The following GIGYF2 variants were observed in gnomAD, a reference collection of about 807,000 sequenced individuals.
The protein encoded by GIGYF2 is GRB10-interacting GYF protein 2.
A neutral mutation model predicts 208.1 loss-of-function variants in GIGYF2; 25 were observed. That is an observed-to-expected ratio of 0.12 (90% CI 0.09 to 0.17). GIGYF2 has a LOEUF of 0.17. GIGYF2 is among the 10% of genes least tolerant of loss of function. The probability of loss-of-function intolerance (pLI) is 1.00; values close to 1 mark genes in which losing one functional copy is unlikely to be tolerated. For synonymous variants in GIGYF2, 534 were observed against 543.8 expected, an observed-to-expected ratio of 0.98 and a Z score of 0.25; for missense variants, 1,302 against 1,579.4, an observed-to-expected ratio of 0.82 and a Z score of 2.98.
chr2:232,818,071 A>G (rs1448616586), intron 20 of GIGYF2, among the ~76,000 whole-genome samples: 2 of 152,150 alleles, frequency 1.3e-5, no homozygotes, highest in East Asian at 3.8e-4. Context: ...TCTTTTTGAT[A>G]ATGACACTTT....
intron 2 of GIGYF2, among the ~76,000 whole-genome samples, chr2:232,718,583 G>A (rs1696801325): frequency 6.6e-6 from 1 of 152,212 alleles, no homozygotes; most frequent in Non-Finnish European, 1.5e-5. Flanking sequence ...TTCCTTGGAT[G>A]TATGTGTAGC....
Position 232,845,551 on chromosome 2 carries a change from G to A in GIGYF2, c.3306-181G>A, listed in dbSNP as rs757763384. 7.6e-4 allele frequency among the ~76,000 whole-genome samples: 115 copies of A among 152,020 alleles called. 2 individuals carry two copies. The highest frequency in any genetic ancestry group is 2.6e-4 in the Non-Finnish European group (18 of 67,988). ...CCACAAATTAGGATATATTAACTGAGGCTAGATTTTAAGGGTATATCCAAT... is the reference window on the plus strand; with the variant it reads ...CCACAAATTAGGATATATTAACTGAAGCTAGATTTTAAGGGTATATCCAAT... On this transcript the variant is annotated intron_variant, in intron 25 of 28. Transcript: ENST00000373563.
chr2:232,729,447 G>A, intron 2 of GIGYF2: 2 of 693,976 alleles, frequency 2.9e-6, no homozygotes, highest in Non-Finnish European at 4.2e-6. Flanking sequence ...TAAATAACTT[G>A]GTTTATTATT....
intron 2 of GIGYF2, among the ~76,000 whole-genome samples, chr2:232,714,054 A>G (rs992567091): frequency 1.3e-5 from 2 of 148,810 alleles, no homozygotes; most frequent in African/African-American, 5.0e-5. Flanking sequence ...GGTTCATGCC[A>G]TTCTCCTGCC....
chr2:232,844,508 A>G lies in GIGYF2; in HGVS notation c.3239A>G (p.Asp1080Gly). The change falls in exon 25 of 29, where the codon GAT (aspartate) becomes GGT (glycine). Residue 1080 changes from aspartate (D) to glycine (G), a missense_variant. By Grantham distance (94) the Asp-to-Gly change is moderately conservative (BLOSUM62 -1). Coordinates refer to ENST00000373563, the MANE Select transcript of GIGYF2 (RefSeq NM_001103146.3). ...AAAAACTCCAACATGGGATTCTGGG[A>G]TGATGCAGTGAAAGAGGTGGGACCT... ...DTKNSNMGFWDDAVKEVGPRN... is the reference protein window; with the variant it reads ...DTKNSNMGFWGDAVKEVGPRN... 1 of 1,613,758 alleles carries G rather than the reference A, an allele frequency of 6.2e-7. No individual in the cohort carries two copies. The highest frequency in any genetic ancestry group is 8.5e-7 in the Non-Finnish European group (1 of 1,179,726).
At chr2:232,823,185 TAA>T (rs1349816426) in intron 21 of GIGYF2, among the ~76,000 whole-genome samples, 1 of 152,096 alleles carries the variant, frequency 6.6e-6, no homozygotes, top group East Asian at 1.9e-4. Flanking sequence ...GTTTGAAGGT[TAA>T]GTCAACTTTG....
intron 5 of GIGYF2, among the ~76,000 whole-genome samples, chr2:232,755,267 C>A (rs566062798): frequency 2.0e-5 from 3 of 152,250 alleles, no homozygotes; most frequent in Middle Eastern, 3.4e-3. Flanking sequence ...GCCTCCTGGG[C>A]TCAAGCAATT....
intron 2 of GIGYF2, among the ~76,000 whole-genome samples, chr2:232,720,706 T>G (rs1441994775): frequency 3.3e-5 from 5 of 152,106 alleles, no homozygotes; most frequent in African/African-American, 1.2e-4. Flanking sequence ...GCAGTTCTCC[T>G]GCCTCAGCCT....
rs149949461 is a variant in GIGYF2, at chr2:232,750,878, G to A, written c.267+1796G>A. The stretch of plus-strand genomic sequence containing the variant: ...AGGGTCTCACTCTGTCACCCAGGCT[G>A]TAGTACAGCGGCATGATCATAGCTC... On this transcript the variant is annotated intron_variant, in intron 5 of 28. Transcript: ENST00000373563. Among the ~76,000 whole-genome samples, 322 of 152,256 alleles carry A rather than the reference G, an allele frequency of 2.1e-3. 1 individual carries two copies. The highest frequency in any genetic ancestry group is 7.5e-3 in the African/African-American group (310 of 41,542).
chr2:232,789,450 A>G (rs1290696175), intron 9 of GIGYF2, among the ~76,000 whole-genome samples: 1 of 152,232 alleles, frequency 6.6e-6, no homozygotes, highest in East Asian at 1.9e-4. Flanking sequence ...CTCTTTTCAC[A>G]TAATGGCTCT....
At chr2:232,742,552 A>AAAATAAAT (rs369981563) in intron 3 of GIGYF2, among the ~76,000 whole-genome samples, 2 of 152,136 alleles carry the variant, frequency 1.3e-5, no homozygotes, top group African/African-American at 4.8e-5. Flanking sequence ...CTCTGTCTCA[A>AAAATAAAT]AAATAAATAA....
At chr2:232,745,464 T>G (rs1458037389) in intron 3 of GIGYF2, among the ~76,000 whole-genome samples, 2 of 152,156 alleles carry the variant, frequency 1.3e-5, no homozygotes, top group Admixed American at 1.3e-4. Flanking sequence ...ATGAGACAGT[T>G]TGAACACTGT....
chr2:232,858,759 C>T lies in GIGYF2; in HGVS notation c.*1899C>T, dbSNP rs577058449. The T allele has an allele frequency of 2.4e-4, 84 of 348,252 alleles. 1 individual carries two copies. The highest frequency in any genetic ancestry group is 1.4e-3 in the African/African-American group (65 of 46,686). The allele number at this position is 348,252 out of a possible 1,614,324, so 21.6% of individuals were successfully genotyped here. On this transcript the variant is annotated 3_prime_UTR_variant, in exon 29 of 29. Coordinates refer to ENST00000373563, the MANE Select transcript of GIGYF2 (RefSeq NM_001103146.3). ...CATGGCTTCTTTCTCTGCCAGACCA[C>T]GTAGCACTGGCTGGTTCTGTATTTG...
chr2:232,713,957 T>C (rs1010334857), intron 2 of GIGYF2, among the ~76,000 whole-genome samples: 1 of 150,440 alleles, frequency 6.6e-6, no homozygotes, highest in Admixed American at 6.6e-5. Context: ...TTTTTCTCTT[T>C]TTTTTTTTTT....
At chr2:232,718,083 TTTG>T (rs902767342) in intron 2 of GIGYF2, among the ~76,000 whole-genome samples, 1 of 151,948 alleles carries the variant, frequency 6.6e-6, no homozygotes, top group African/African-American at 2.4e-5. Flanking sequence ...AGTAATTTTT[TTTG>T]TTGTTGTTGT....
chr2:232,827,950 T>C (rs1701300460), intron 21 of GIGYF2, among the ~76,000 whole-genome samples: 1 of 152,172 alleles, frequency 6.6e-6, no homozygotes, highest in Non-Finnish European at 1.5e-5. Flanking sequence ...TATTTGAGAA[T>C]GGGTTATTTA....
chr2:232,835,326 T>C (rs1188205026), intron 22 of GIGYF2, among the ~76,000 whole-genome samples: 1 of 152,178 alleles, frequency 6.6e-6, no homozygotes, highest in African/African-American at 2.4e-5. Context: ...ATCTATCTCT[T>C]TATCAATATT....
chr2:232,830,409 TTTTA>T (rs1701394557), intron 21 of GIGYF2, among the ~76,000 whole-genome samples: 1 of 152,232 alleles, frequency 6.6e-6, no homozygotes, highest in Non-Finnish European at 1.5e-5. Flanking sequence ...CCCCAAATCA[TTTTA>T]TTTAATGTTT....
At chr2:232,828,416 A>G (rs935178270) in intron 21 of GIGYF2, among the ~76,000 whole-genome samples, 2 of 146,938 alleles carry the variant, frequency 1.4e-5, no homozygotes, top group Non-Finnish European at 3.0e-5. Flanking sequence ...TTGGTGAATT[A>G]TTCCATGTGC....
Sources: gnomAD v4.1 joint callset for allele counts (sites outside exome capture counted in the v4.1 genomes callset) on GRCh38, gnomAD v4.1.1 for gene constraint, MANE v1.5 for transcripts, NCBI Gene and HGNC (gene_info 2026-07-23, HGNC 2026-07-21) for gene names.